The following SLC10A7 variants were observed in gnomAD, a reference collection of about 807,000 sequenced individuals.
SLC10A7 encodes the protein solute carrier family 10 member 7, also known as sodium/bile acid cotransporter 7.
In SLC10A7, 29 loss-of-function variants were observed where a neutral mutation model predicts 43.2. The ratio of observed to expected loss-of-function variants is 0.67; its 90% CI spans 0.50 to 0.92. SLC10A7 has a LOEUF of 0.92. Among genes scored for constraint, SLC10A7 ranks in the 40% least tolerant of loss-of-function variants. The pLI is 0.00. For synonymous variants in SLC10A7, 152 were observed against 144.8 expected, an observed-to-expected ratio of 1.05 and a Z score of -0.35; for missense variants, 295 against 403.2, an observed-to-expected ratio of 0.73 and a Z score of 2.30.
chr4:146,454,318 T>G (rs1051436122), intron 4 of SLC10A7, among the ~76,000 whole-genome samples: 1 of 151,910 alleles, frequency 6.6e-6, no homozygotes, highest in South Asian at 2.1e-4. Context: ...GGTGTTCAAT[T>G]TCTATAAAAT....
intron 1 of SLC10A7, among the ~76,000 whole-genome samples, chr4:146,517,354 CTTGGGAGGCTGA>C (rs1738110517): frequency 6.6e-6 from 1 of 151,946 alleles, no homozygotes; most frequent in Non-Finnish European, 1.5e-5. Context: ...TTCCCAGCTC[CTTGGGAGGCTGA>C]GTGGGAGGAT....
In SLC10A7 at chr4:146,283,270, G is replaced by A. The variant is rs775788593; in HGVS notation, c.774-5C>T. 8 of 1,611,902 alleles carry A rather than the reference G, an allele frequency of 5.0e-6. No homozygotes were observed. The Admixed American group carries it at 8.3e-5, about 17-fold the overall frequency. The stretch of plus-strand genomic sequence containing the variant: ...GGTGTGAAACCCGAATTATTCCTAG[G>A]GGCAAAAAAAGATTTTGACAAATAC... On this transcript the variant is annotated splice_polypyrimidine_tract_variant and splice_region_variant and intron_variant, in intron 9 of 11. Transcript: ENST00000335472.
At chr4:146,353,881 C>T (rs375927785) in intron 5 of SLC10A7, among the ~76,000 whole-genome samples, 2 of 128,140 alleles carry the variant, frequency 1.6e-5, no homozygotes, top group African/African-American at 6.0e-5. Context: ...ATTGATGGGA[C>T]GTATTTCAAA....
At chr4:146,417,147 C>T (rs1323791510) in intron 5 of SLC10A7, among the ~76,000 whole-genome samples, 5 of 152,176 alleles carry the variant, frequency 3.3e-5, no homozygotes, top group African/African-American at 1.2e-4. Context: ...ATTTTCATAG[C>T]CTCACTATAG....
chr4:146,473,950 C>A (rs1255643171), intron 4 of SLC10A7, among the ~76,000 whole-genome samples: 1 of 152,098 alleles, frequency 6.6e-6, no homozygotes, highest in Non-Finnish European at 1.5e-5. Flanking sequence ...GCACAGTTAT[C>A]TCTGTTACCT....
At chr4:146,517,461 T>C (rs530938791) in intron 1 of SLC10A7, among the ~76,000 whole-genome samples, 194 of 152,032 alleles carry the variant, frequency 1.3e-3, no homozygotes, top group African/African-American at 4.3e-3. Context: ...AGACTCTGTC[T>C]CAAAATAATA....
rs1738725487 is a variant in SLC10A7, at chr4:146,521,904, A to G, written c.-187T>C. On this transcript the variant is annotated 5_prime_UTR_variant, in exon 1 of 12. Transcript: ENST00000335472. ...TCCGGCGGCTTTGAGGAGGGTTGGG[A>G]GTAGTAGTAGCCAGTGACAGGAAAG... The G allele has an allele frequency of 1.8e-6, 1 of 563,736 alleles. No individual in the cohort carries two copies. The highest frequency in any genetic ancestry group is 1.9e-5 in the African/African-American group (1 of 52,482). 34.9% of individuals were successfully genotyped at this position (563,736 alleles called of 1,614,324 possible).
At chr4:146,459,355 A>G (rs1732334183) in intron 4 of SLC10A7, among the ~76,000 whole-genome samples, 2 of 151,872 alleles carry the variant, frequency 1.3e-5, no homozygotes, top group South Asian at 4.1e-4. Flanking sequence ...TTTTAAAAAT[A>G]AACTTTATTT....
rs887049420 is a variant in SLC10A7 at position 146,460,971 on chromosome 4, C to T, written c.397-18150G>A. Among the ~76,000 whole-genome samples the T allele has an allele frequency of 3.4e-4, 52 of 151,820 alleles. 1 individual carries two copies. On this transcript the variant is annotated intron_variant, in intron 4 of 11. Transcript: ENST00000335472. The stretch of plus-strand genomic sequence containing the variant: ...ATTAAAAAAATAAGGTTTTGCTTAA[C>T]AGAATTAGAAATGAACCAAAACCAC...
chr4:146,264,387 C>T (rs1728425035), intron 10 of SLC10A7, among the ~76,000 whole-genome samples: 5 of 152,094 alleles, frequency 3.3e-5, no homozygotes, highest in Admixed American at 3.3e-4. Flanking sequence ...CTCTATTGTT[C>T]ACAACATAAA....
At chr4:146,502,582 G>A (rs1055465327) in intron 4 of SLC10A7, among the ~76,000 whole-genome samples, 6 of 151,742 alleles carry the variant, frequency 4.0e-5, no homozygotes, top group African/African-American at 1.2e-4. Context: ...TACAGTAAAT[G>A]CTCATAGCCA....
chr4:146,465,520 A>G (rs537914892), intron 4 of SLC10A7, among the ~76,000 whole-genome samples: 3 of 152,224 alleles, frequency 2.0e-5, no homozygotes, highest in African/African-American at 7.2e-5. Flanking sequence ...CTTAAATATA[A>G]AGTTTTAATA....
chr4:146,379,123 C>T (rs1737421050), intron 5 of SLC10A7, among the ~76,000 whole-genome samples: 1 of 152,192 alleles, frequency 6.6e-6, no homozygotes, highest in Admixed American at 6.5e-5. Flanking sequence ...GAATTGCAGA[C>T]TTAGGAATGC....
At chr4:146,345,310 CT>C in intron 5 of SLC10A7, among the ~76,000 whole-genome samples, 1 of 152,250 alleles carries the variant, frequency 6.6e-6, no homozygotes. Flanking sequence ...TCTACCTTCT[CT>C]TACCTCTTAT....
intron 2 of SLC10A7, among the ~76,000 whole-genome samples, chr4:146,516,451 C>G (rs1284926003): frequency 2.1e-5 from 3 of 145,946 alleles, no homozygotes; most frequent in African/African-American, 7.6e-5. Context: ...ACTTTTGACA[C>G]ATATATGTAT....
intron 6 of SLC10A7, among the ~76,000 whole-genome samples, chr4:146,308,571 T>C (rs896332036): frequency 6.6e-6 from 1 of 152,090 alleles, no homozygotes; most frequent in African/African-American, 2.4e-5. Flanking sequence ...GAGGAACCTG[T>C]TGTGGTTTCT....
At chr4:146,429,050 T>C (rs1729583706) in intron 5 of SLC10A7, among the ~76,000 whole-genome samples, 1 of 152,152 alleles carries the variant, frequency 6.6e-6, no homozygotes, top group African/African-American at 2.4e-5. Flanking sequence ...ATCTTATAAA[T>C]TACTAAATAT....
At chr4:146,512,388 G>C (rs1218382322) in intron 2 of SLC10A7, among the ~76,000 whole-genome samples, 1 of 152,088 alleles carries the variant, frequency 6.6e-6, no homozygotes, top group Non-Finnish European at 1.5e-5. Flanking sequence ...TTTATGACTA[G>C]GAATTTATCC....
intron 4 of SLC10A7, among the ~76,000 whole-genome samples, chr4:146,458,223 A>C (rs1405494344): frequency 6.6e-6 from 1 of 151,840 alleles, no homozygotes; most frequent in Non-Finnish European, 1.5e-5. Context: ...AAAAAAGAAA[A>C]AAACATATAA....
Sources: allele counts gnomAD v4.1 joint callset (sites outside exome capture counted in the v4.1 genomes callset), GRCh38; gene constraint gnomAD v4.1.1; transcripts MANE v1.5; gene names NCBI Gene and HGNC (gene_info 2026-07-23, HGNC 2026-07-21).